The following MEX3C variants were observed in gnomAD, a reference collection of about 807,000 sequenced individuals.
MEX3C encodes mex-3 RNA binding family member C.
A neutral mutation model predicts 35.5 loss-of-function variants in MEX3C; 15 were observed. The observed-to-expected ratio is 0.42, with a 90% confidence interval of 0.28 to 0.65. The LOEUF (loss-of-function observed/expected upper bound fraction) is 0.65. Ranked by LOEUF, MEX3C falls within the 30% of genes least tolerant of loss-of-function variation. The pLI, the probability that MEX3C is intolerant of heterozygous loss-of-function variation, is 0.20. For missense variants in MEX3C, 711 were observed against 842.8 expected, an observed-to-expected ratio of 0.84 and a Z score of 1.94; for synonymous variants, 390 against 352.8, an observed-to-expected ratio of 1.11 and a Z score of -1.18.
chr18:51,188,366 C>T (rs1912581836), intron 1 of MEX3C, among the ~76,000 whole-genome samples: 1 of 152,126 alleles, frequency 6.6e-6, no homozygotes, highest in East Asian at 1.9e-4. Context: ...CTTTGGGAGG[C>T]CGAGGTGGGT....
rs1367150729 is a variant in MEX3C, at chr18:51,175,201, A to G, written c.*1150T>C. ...TGTGTTGGGAAAATAATGCTTCAAA[A>G]AATAATTAGTAGAAAAACCCACTAG... On this transcript the variant is annotated 3_prime_UTR_variant, in exon 2 of 2. Coordinates refer to ENST00000406189, the MANE Select transcript of MEX3C (RefSeq NM_016626.5). The G allele has an allele frequency of 6.6e-6, 1 of 152,642 alleles. No individual in the cohort carries two copies. The highest frequency in any genetic ancestry group is 1.5e-5 in the Non-Finnish European group (1 of 68,030). The allele number at this position is 152,642 out of a possible 1,614,324, so 9.5% of individuals were successfully genotyped here.
At position 51,196,711 on chromosome 18, in the gene MEX3C, C is replaced by T. The variant is rs371012193; in HGVS notation, c.610G>A (p.Ala204Thr). ...GCCCCACAACCGCCGGGGCCGTAGG[C>T]GTGGGACAGCATCGCCGCCATCATG... ...QGMMAAMLSH[A>T]YGPGGCGAAA... Residue 204 changes from alanine (A) to threonine (T), a missense_variant, in exon 1 of 2, where the codon GCC (alanine) becomes ACC (threonine). Physicochemically the swap from Ala to Thr is moderately conservative, Grantham distance 58. Coordinates refer to ENST00000406189, the MANE Select transcript of MEX3C (RefSeq NM_016626.5). 4 of 1,537,122 alleles carry T rather than the reference C, an allele frequency of 2.6e-6. No individual in the cohort carries two copies. Among genetic ancestry groups the T allele is most frequent in the Non-Finnish European group, 3.5e-6 (4 of 1,146,578 alleles).
At chr18:51,182,371 A>T (rs2144550957) in intron 1 of MEX3C, among the ~76,000 whole-genome samples, 1 of 152,316 alleles carries the variant, frequency 6.6e-6, no homozygotes, top group Non-Finnish European at 1.5e-5. Flanking sequence ...AAATTTAAAA[A>T]TGTGAGGACT....
intron 1 of MEX3C, among the ~76,000 whole-genome samples, chr18:51,178,860 C>CA (rs200287690): frequency 0.029 from 3,243 of 111,206 alleles, 75 homozygotes; most frequent in East Asian, 0.15. Flanking sequence ...AACTCCATCT[C>CA]AAAAAAAAAA....
At chr18:51,189,613 G>C (rs1467176255) in intron 1 of MEX3C, among the ~76,000 whole-genome samples, 3 of 152,054 alleles carry the variant, frequency 2.0e-5, no homozygotes, top group African/African-American at 7.2e-5. Flanking sequence ...TTTATTATTT[G>C]GCCTTTCAGT....
intron 1 of MEX3C, chr18:51,194,884 T>G (rs1017068984): frequency 2.6e-5 from 4 of 152,366 alleles, no homozygotes; most frequent in African/African-American, 7.2e-5. Context: ...CCTCCTCACA[T>G]TGTTCCTCCA....
chr18:51,183,979 C>A (rs1677863687), intron 1 of MEX3C, among the ~76,000 whole-genome samples: 1 of 152,036 alleles, frequency 6.6e-6, no homozygotes, highest in South Asian at 2.1e-4. Flanking sequence ...CCAGCCTGGG[C>A]AACAGAGTGA....
chr18:51,191,471 T>C (rs1041876969), intron 1 of MEX3C, among the ~76,000 whole-genome samples: 1 of 152,190 alleles, frequency 6.6e-6, no homozygotes, highest in African/African-American at 2.4e-5. Flanking sequence ...GTTTTAACAC[T>C]GAGGTGTCAG....
intron 1 of MEX3C, among the ~76,000 whole-genome samples, chr18:51,191,919 A>G (rs904815460): frequency 6.6e-6 from 1 of 152,200 alleles, no homozygotes; most frequent in Non-Finnish European, 1.5e-5. Flanking sequence ...GTGTAGCTAC[A>G]ATAGGTATTT....
intron 1 of MEX3C, among the ~76,000 whole-genome samples, chr18:51,186,434 G>T (rs555953552): frequency 3.3e-5 from 5 of 152,336 alleles, no homozygotes; most frequent in African/African-American, 1.2e-4. Flanking sequence ...CAAAAGCAAG[G>T]AATCAAGAGT....
At chr18:51,182,390 T>G (rs765094994) in intron 1 of MEX3C, among the ~76,000 whole-genome samples, 1 of 152,192 alleles carries the variant, frequency 6.6e-6, no homozygotes, top group Non-Finnish European at 1.5e-5. Flanking sequence ...CTACACTTCT[T>G]ATAGCTACAG....
chr18:51,197,053 C>T lies in MEX3C; in HGVS notation c.268G>A (p.Glu90Lys). Residue 90 changes from glutamate (E) to lysine (K), a missense_variant, in exon 1 of 2, where the codon GAG (glutamate) becomes AAG (lysine). Transcript: ENST00000406189. ...GGCCGGCCGGGCGGAGCCCGCTCCTCTGGAGACAGCTCCGCCGCCCGCCGG... is the reference window on the plus strand; with the variant it reads ...GGCCGGCCGGGCGGAGCCCGCTCCTTTGGAGACAGCTCCGCCGCCCGCCGG... Reference protein sequence around the residue: ...QARRAAELSPEERAPPGRPGA... With the variant: ...QARRAAELSPKERAPPGRPGA... 6.8e-7 allele frequency: 1 copy of T among 1,462,354 alleles called. No homozygotes were observed. Among genetic ancestry groups the T allele is most frequent in the Non-Finnish European group, 9.0e-7 (1 of 1,113,986 alleles). The allele number at this position is 1,462,354 out of a possible 1,614,324, so 90.6% of individuals were successfully genotyped here.
At position 51,176,577 on chromosome 18, in the gene MEX3C, T is replaced by C; in HGVS notation, c.1754A>G (p.Asn585Ser). 6.2e-7 allele frequency: 1 copy of C among 1,613,990 alleles called. No homozygotes were observed. Among genetic ancestry groups the C allele is most frequent in the Non-Finnish European group, 8.5e-7 (1 of 1,179,894 alleles). The change falls in exon 2 of 2, where the codon AAT becomes AGT. Residue 585 changes from asparagine to serine, a missense_variant. Physicochemically the swap from Asn to Ser is conservative, Grantham distance 46 (BLOSUM62 1). Around this residue, in one of 4 missense-constraint regions of MEX3C, gnomAD observed 87 missense variants for 150.4 expected, o/e 0.58. Coordinates refer to ENST00000406189, the MANE Select transcript of MEX3C (RefSeq NM_016626.5). ...IYIPAFSNGTNSYSSSNGGST... is the reference protein window; with the variant it reads ...IYIPAFSNGTSSYSSSNGGST... ...ACCACCATTGGAAGAGGAGTAACTA[T>C]TGGTACCATTAGAAAAAGCAGGGAT...
intron 1 of MEX3C, among the ~76,000 whole-genome samples, chr18:51,183,915 T>C (rs1051163780): frequency 6.6e-6 from 1 of 152,120 alleles, no homozygotes; most frequent in Non-Finnish European, 1.5e-5. Flanking sequence ...GGTGAAGAAT[T>C]GCTTGTGTCC....
At chr18:51,184,520 T>C (rs189615989) in intron 1 of MEX3C, among the ~76,000 whole-genome samples, 91 of 152,290 alleles carry the variant, frequency 6.0e-4, no homozygotes, top group Non-Finnish European at 1.5e-5. Flanking sequence ...TCTTATTCAA[T>C]ACCCTACAAG....
At chr18:51,190,902 T>C (rs1235459492) in intron 1 of MEX3C, among the ~76,000 whole-genome samples, 4 of 152,206 alleles carry the variant, frequency 2.6e-5, no homozygotes, top group Non-Finnish European at 4.4e-5. Context: ...AATTATGGCA[T>C]ATAAGCTACT....
chr18:51,175,933 TG>T lies in MEX3C; in HGVS notation c.*417del, dbSNP rs957691243. ...ACTGGCAGTGTAAAGAAGGCAGCACTGGAAGTGTATGAATCGTCTGTAATGC... is the reference window on the plus strand; with the variant it reads ...ACTGGCAGTGTAAAGAAGGCAGCACTGAAGTGTATGAATCGTCTGTAATGC... On this transcript the variant is annotated 3_prime_UTR_variant, in exon 2 of 2. Coordinates refer to ENST00000406189, the MANE Select transcript of MEX3C (RefSeq NM_016626.5). 1 of 156,702 alleles carries T rather than the reference TG, an allele frequency of 6.4e-6. No homozygotes were observed. Among genetic ancestry groups the T allele is most frequent in the African/African-American group, 2.4e-5 (1 of 41,572 alleles). 9.7% of individuals were successfully genotyped at this position (156,702 alleles called of 1,614,324 possible). A position where few individuals can be genotyped will look rare whatever the true frequency, so the allele number is the denominator to read the frequency against.
intron 1 of MEX3C, among the ~76,000 whole-genome samples, chr18:51,184,718 C>T (rs34666258): frequency 0.36 from 54,169 of 151,696 alleles, 10,777 homozygotes; most frequent in Non-Finnish European, 0.45. Flanking sequence ...ACTATCTGGG[C>T]GTGGTGGTGC....
chr18:51,176,933 G>A lies in MEX3C; in HGVS notation c.1398C>T (p.Asp466=). The A allele has an allele frequency of 1.9e-6, 3 of 1,613,994 alleles. No individual in the cohort carries two copies. Among genetic ancestry groups the A allele is most frequent in the Non-Finnish European group, 2.5e-6 (3 of 1,179,892 alleles). The change falls in exon 2 of 2, where the codon GAC becomes GAT. Residue 466 remains aspartate, a synonymous_variant. Coordinates refer to ENST00000406189, the MANE Select transcript of MEX3C (RefSeq NM_016626.5). The part of the protein sequence containing the change: ...DSYFGSNRLA[D]FSPTSPFSTG... ...TGCTAAATGGGCTTGTTGGACTAAA[G>A]TCAGCCAGCCTATTGCTTCCAAAGT... is the stretch of plus-strand genomic sequence containing the variant.
Sources: allele counts gnomAD v4.1 joint callset (sites outside exome capture counted in the v4.1 genomes callset), GRCh38; gene constraint gnomAD v4.1.1; regional missense constraint gnomAD v4.1.1; transcripts MANE v1.5; gene names NCBI Gene and HGNC (gene_info 2026-07-23, HGNC 2026-07-21).